Variants in SPATA7 observed in about 807,000 individuals in gnomAD.
The protein encoded by SPATA7 is spermatogenesis associated 7.
Under a neutral mutation model 51.8 loss-of-function variants are expected in SPATA7, and 43 were observed. That is an observed-to-expected ratio of 0.83 (90% CI 0.65 to 1.07). The LOEUF is 1.07. SPATA7 is among the 50% of genes least tolerant of loss of function. The probability of loss-of-function intolerance (pLI) is 0.00; values close to 1 mark genes in which losing one functional copy is unlikely to be tolerated. For missense variants in SPATA7, 683 were observed against 701.3 expected (o/e 0.97, Z 0.30); for synonymous variants, 230 against 252.8 (o/e 0.91, Z 0.86).
chr14:88,445,430 A>C (rs1354768666), intron 3 of SPATA7, among the ~76,000 whole-genome samples: 1 of 152,148 alleles, frequency 6.6e-6, no homozygotes, highest in Non-Finnish European at 1.5e-5. Flanking sequence ...GTCATCTGCA[A>C]ACAGGGACAG....
In SPATA7 at chr14:88,438,108, T is replaced by A. The variant is rs752596763; in HGVS notation, c.1486T>A (p.Tyr496Asn). ...PSPTEFFMPI[Y>N]KSKHSEGVII... ...ACCAACTGAATTTTTCATGCCTATT[T>A]ATAAATCAAAGCATTCAGAAGGGGT... The change falls in exon 12 of 12, where the codon TAT becomes AAT. Residue 496 changes from tyrosine to asparagine, a missense_variant. By Grantham distance (143) the Tyr-to-Asn change is moderately radical. Transcript: ENST00000393545. The A allele has an allele frequency of 6.2e-6, 10 of 1,614,086 alleles. No individual in the cohort carries two copies. In the South Asian group the frequency reaches 1.1e-4, roughly 18 times the overall value.
At chr14:88,404,928 C>T (rs903105539) in intron 4 of SPATA7, among the ~76,000 whole-genome samples, 5 of 152,054 alleles carry the variant, frequency 3.3e-5, no homozygotes, top group Admixed American at 6.6e-5. Context: ...GTAGAGTTTA[C>T]ATTGTAGTTG....
At chr14:88,413,884 T>G (rs1292449294) in intron 4 of SPATA7, among the ~76,000 whole-genome samples, 37 of 152,136 alleles carry the variant, frequency 2.4e-4, no homozygotes, top group Admixed American at 2.4e-3. Context: ...AACCAGCCTT[T>G]CATTCCAGGA....
At chr14:88,407,943 C>G (rs1250599282) in intron 4 of SPATA7, among the ~76,000 whole-genome samples, 1 of 152,018 alleles carries the variant, frequency 6.6e-6, no homozygotes, top group Non-Finnish European at 1.5e-5. Flanking sequence ...CTTCTGAGAC[C>G]TCTGTTCTAT....
intron 3 of SPATA7, among the ~76,000 whole-genome samples, chr14:88,452,029 G>A (rs2077254868): frequency 6.6e-6 from 1 of 152,136 alleles, no homozygotes; most frequent in South Asian, 2.1e-4. Context: ...TGCTTTTCTG[G>A]TTCCTTCTCA....
intron 4 of SPATA7, among the ~76,000 whole-genome samples, chr14:88,407,068 A>G (rs1333110288): frequency 1.3e-5 from 2 of 152,220 alleles, no homozygotes; most frequent in East Asian, 3.8e-4. Flanking sequence ...ACAGTGCTGC[A>G]ATAAACATAT....
chr14:88,401,038 A>G (rs73321845), intron 4 of SPATA7, among the ~76,000 whole-genome samples: 1 of 152,090 alleles, frequency 6.6e-6, no homozygotes, highest in African/African-American at 2.4e-5. Context: ...AACAAAGACA[A>G]CACAAGAAAA....
chr14:88,412,181 C>T (rs1463261880), intron 4 of SPATA7, among the ~76,000 whole-genome samples: 3 of 147,292 alleles, frequency 2.0e-5, no homozygotes, highest in African/African-American at 7.5e-5. Context: ...TGTCTATGTC[C>T]TTTTCTCACT....
At chr14:88,427,986 T>C (rs1205756392) in intron 7 of SPATA7, 3 of 263,658 alleles carry the variant, frequency 1.1e-5, no homozygotes, top group Non-Finnish European at 2.2e-5. Flanking sequence ...ACCTTAAGTA[T>C]TGTTTTCAAA....
chr14:88,436,409 G>A (rs1004163290), intron 10 of SPATA7, among the ~76,000 whole-genome samples: 1 of 152,076 alleles, frequency 6.6e-6, no homozygotes, highest in Non-Finnish European at 1.5e-5. Context: ...ATCCTTTGCT[G>A]TGTGGAAGCT....
At chr14:88,407,863 G>A (rs1228861310) in intron 4 of SPATA7, among the ~76,000 whole-genome samples, 2 of 152,128 alleles carry the variant, frequency 1.3e-5, no homozygotes, top group Non-Finnish European at 2.9e-5. Flanking sequence ...GTTAAATAGG[G>A]ACTCCTTTCC....
Position 88,461,630 on chromosome 14 carries a change from G to A in SPATA7, c.255-8217G>A, listed in dbSNP as rs547378012. ...GTTACCACTTCCCTTGGCTAGGAAA[G>A]GGAATTCCCTGACCCCTTGCACTTC... On this transcript the variant is annotated intron_variant, in intron 4 of 4. Transcript: ENST00000556406. Among the ~76,000 whole-genome samples the A allele has an allele frequency of 2.6e-5, 4 of 152,270 alleles. No homozygotes were observed. The East Asian group carries it at 7.8e-4, about 30-fold the overall frequency.
chr14:88,461,684 T>C (rs59074993), intron 4 of SPATA7, among the ~76,000 whole-genome samples: 5,750 of 152,126 alleles, frequency 0.038, 354 homozygotes, highest in African/African-American at 0.13. Context: ...CACCCTGCTT[T>C]GGCTTACGCT....
chr14:88,434,337 T>C (rs1000906827), intron 10 of SPATA7, among the ~76,000 whole-genome samples: 3 of 152,058 alleles, frequency 2.0e-5, no homozygotes, highest in Non-Finnish European at 2.9e-5. Context: ...AAAAATGATG[T>C]TGAAGTGAAT....
intron 2 of SPATA7, 134 bp from the exon 3 acceptor site, chr14:88,393,259 A>G (rs1193517353): frequency 4.8e-5 from 32 of 666,402 alleles, no homozygotes; most frequent in African/African-American, 7.3e-5. Context: ...GCTTCACATC[A>G]CAATGTCATA....
Position 88,469,124 on chromosome 14 carries a change from T to C in SPATA7, c.255-723T>C. ...AAAAGTACTCAAGGATCAAGGCGTA[T>C]CACATTGTTGACTCAATCTTCATAT... On this transcript the variant is annotated intron_variant, in intron 4 of 4. Coordinates refer to the SPATA7 transcript ENST00000556406. The surrounding 1 kb of genome is among the most constrained non-coding windows in gnomAD (Gnocchi z 4.3). The C allele has an allele frequency of 3.9e-6, 6 of 1,557,850 alleles. No individual in the cohort carries two copies. Among genetic ancestry groups the C allele is most frequent in the Non-Finnish European group, 5.3e-6 (6 of 1,142,438 alleles).
chr14:88,466,091 A>C (rs189657827), intron 4 of SPATA7: 12 of 152,220 alleles, frequency 7.9e-5, no homozygotes, highest in South Asian at 2.1e-4. Flanking sequence ...GGAGGGGAAG[A>C]AGCACTTTTT....
At chr14:88,460,234 T>G (rs1389534293), downstream of SPATA7, among the ~76,000 whole-genome samples, 1 of 152,204 alleles carries the variant, frequency 6.6e-6, no homozygotes, top group Non-Finnish European at 1.5e-5. Context: ...TCTCTGTATT[T>G]CCTGAATCTG....
intron 1 of SPATA7, among the ~76,000 whole-genome samples, chr14:88,387,740 C>T (rs2075621836): frequency 6.6e-6 from 1 of 152,104 alleles, no homozygotes; most frequent in Admixed American, 6.5e-5. Flanking sequence ...TTCAGCATGT[C>T]ACTGTACGTC....
Sources: gnomAD v4.1 joint callset for allele counts (sites outside exome capture counted in the v4.1 genomes callset) on GRCh38, gnomAD v4.1.1 for gene constraint, Gnocchi (gnomAD v3.1) non-coding constraint, MANE v1.5 for transcripts, NCBI Gene and HGNC (gene_info 2026-07-23, HGNC 2026-07-21) for gene names.